The following PCLO variants were observed in gnomAD, a reference collection of about 807,000 sequenced individuals.
PCLO encodes protein piccolo.
A neutral mutation model predicts 427.5 loss-of-function variants in PCLO; 82 were observed. The observed-to-expected ratio is 0.19, with a 90% CI of 0.16 to 0.23. The LOEUF (loss-of-function observed/expected upper bound fraction) is 0.23, where lower values mean the gene tolerates loss of function less well. Ranked by LOEUF, PCLO falls within the 10% of genes least tolerant of loss-of-function variation. The pLI is 1.00. For missense variants in PCLO, 6,239 were observed against 6,115.9 expected (o/e 1.02, Z -0.67); for synonymous variants, 2,357 against 2,155.4 (o/e 1.09, Z -2.59).
chr7:83,078,447 T>C (rs952669505), intron 3 of PCLO, among the ~76,000 whole-genome samples: 2 of 152,090 alleles, frequency 1.3e-5, no homozygotes, highest in Non-Finnish European at 2.9e-5. Flanking sequence ...AGTATACTTT[T>C]CCACAGTTTG....
rs1271466556 is a variant in PCLO, at chr7:82,756,113, GAATGAAGA to G, written c.*2454_*2461del. The G allele has an allele frequency of 1.3e-5, 2 of 152,078 alleles. No homozygotes were observed. Among genetic ancestry groups the G allele is most frequent in the East Asian group, 3.9e-4 (2 of 5,190 alleles). 9.4% of individuals were successfully genotyped at this position (152,078 alleles called of 1,614,324 possible). The stretch of plus-strand genomic sequence containing the variant: ...ATTATTCTAAAAGAAATTGCAACTG[GAATGAAGA>G]AAGCTAACTGGTCATACAAACTCTC... On this transcript the variant is annotated 3_prime_UTR_variant, in exon 25 of 25. Coordinates refer to ENST00000333891, the MANE Select transcript of PCLO (RefSeq NM_033026.6).
chr7:82,812,784 T>C (rs902176115), intron 20 of PCLO, among the ~76,000 whole-genome samples: 1 of 151,586 alleles, frequency 6.6e-6, no homozygotes, highest in African/African-American at 2.4e-5. Flanking sequence ...CAAATTTTCA[T>C]GGGCGATTTT....
intron 9 of PCLO, among the ~76,000 whole-genome samples, chr7:82,890,465 C>G (rs1165594678): frequency 1.3e-5 from 2 of 151,726 alleles, no homozygotes; most frequent in Non-Finnish European, 2.9e-5. Context: ...TAGTATAAGG[C>G]TGATTCCATA....
chr7:82,863,946 C>T (rs559389599), intron 10 of PCLO, among the ~76,000 whole-genome samples: 2 of 151,886 alleles, frequency 1.3e-5, no homozygotes, highest in South Asian at 4.1e-4. Flanking sequence ...CATTTTTTTT[C>T]TCATTTTATC....
chr7:82,825,254 G>A (rs997144178), intron 18 of PCLO, among the ~76,000 whole-genome samples: 2 of 151,970 alleles, frequency 1.3e-5, no homozygotes, highest in African/African-American at 4.8e-5. Flanking sequence ...ATGAAAACCA[G>A]ACCAATGGAT....
intron 2 of PCLO, among the ~76,000 whole-genome samples, chr7:83,137,747 T>C (rs906478722): frequency 5.9e-5 from 9 of 152,208 alleles, no homozygotes; most frequent in Non-Finnish European, 1.5e-5. Flanking sequence ...ATATTCATTA[T>C]ATTTATTTGC....
intron 9 of PCLO, 30 bp from the exon 10 acceptor site, chr7:82,879,492 AC>A: frequency 6.6e-7 from 1 of 1,509,756 alleles, no homozygotes; most frequent in Non-Finnish European, 9.1e-7. Context: ...AATTATTAGT[AC>A]TAATTTAAGA....
chr7:82,985,638 TGCATGTG>T (rs966345801), intron 3 of PCLO, among the ~76,000 whole-genome samples: 1 of 151,928 alleles, frequency 6.6e-6, no homozygotes, highest in Non-Finnish European at 1.5e-5. Context: ...AAATTGGCAA[TGCATGTG>T]GCATTAAATT....
chr7:83,076,548 C>G (rs1015103152), intron 3 of PCLO, among the ~76,000 whole-genome samples: 15 of 152,190 alleles, frequency 9.9e-5, no homozygotes, highest in African/African-American at 3.4e-4. Flanking sequence ...CAGGCCTGAG[C>G]CACCGCACCT....
At chr7:82,853,803 T>C (rs1029564151) in intron 10 of PCLO, among the ~76,000 whole-genome samples, 2 of 152,126 alleles carry the variant, frequency 1.3e-5, no homozygotes, top group African/African-American at 4.8e-5. Flanking sequence ...AGTTGGTTAA[T>C]CCTCCTTCAT....
chr7:82,889,665 T>A (rs1419434076), intron 9 of PCLO, among the ~76,000 whole-genome samples: 1 of 152,118 alleles, frequency 6.6e-6, no homozygotes, highest in African/African-American at 2.4e-5. Context: ...AAGGCAGCAT[T>A]TTTTTCATTG....
At chr7:82,841,413 A>C in intron 14 of PCLO, 46 bp downstream of exon 14, 1 of 1,219,314 alleles carries the variant, frequency 8.2e-7, no homozygotes, top group African/African-American at 1.5e-5. Flanking sequence ...GTGGCAAAAC[A>C]ACCAAAAAAG....
intron 3 of PCLO, among the ~76,000 whole-genome samples, chr7:83,037,552 T>A (rs1365170231): frequency 6.6e-6 from 1 of 151,810 alleles, no homozygotes; most frequent in Non-Finnish European, 1.5e-5. Flanking sequence ...TGAGCTTTGG[T>A]CAGGAATAGA....
At chr7:82,841,172 G>A (rs1251814519) in intron 14 of PCLO, among the ~76,000 whole-genome samples, 1 of 151,926 alleles carries the variant, frequency 6.6e-6, no homozygotes, top group Non-Finnish European at 1.5e-5. Context: ...AATCTGTCAT[G>A]TTTAAAATAC....
chr7:82,808,146 A>G (rs1791494212), intron 20 of PCLO, among the ~76,000 whole-genome samples: 1 of 152,006 alleles, frequency 6.6e-6, no homozygotes, highest in South Asian at 2.1e-4. Context: ...AATCCAATTC[A>G]TAATTTTTAG....
chr7:82,764,933 A>T (rs192914029), intron 22 of PCLO, among the ~76,000 whole-genome samples: 2 of 152,080 alleles, frequency 1.3e-5, no homozygotes, highest in Non-Finnish European at 2.9e-5. Context: ...GATCTCACGG[A>T]TATGTATCAA....
In PCLO at chr7:82,951,299, T is replaced by C. The variant is rs1388831003; in HGVS notation, c.9289A>G (p.Thr3097Ala). Residue 3097 changes from threonine (T) to alanine (A), a missense_variant, in exon 6 of 25, where the codon ACA becomes GCA. Thr to Ala is a moderately conservative substitution (Grantham distance 58, BLOSUM62 0). Transcript: ENST00000333891. ...GVVYSSVATP[T>A]PSTFAITTQP... ...GTGGTGATAGCAAATGTAGAGGGTG[T>C]TGGAGTTGCTACTGAAGAATAGACA... 6.8e-6 allele frequency: 11 copies of C among 1,613,096 alleles called. No individual in the cohort carries two copies. Among genetic ancestry groups the C allele is most frequent in the Non-Finnish European group, 9.3e-6 (11 of 1,179,520 alleles).
chr7:82,843,286 T>C (rs1379114377), intron 13 of PCLO, among the ~76,000 whole-genome samples: 2 of 152,114 alleles, frequency 1.3e-5, no homozygotes, highest in African/African-American at 4.8e-5. Flanking sequence ...TTATGTTAAG[T>C]GGAATAATTC....
At chr7:82,943,361 G>A (rs1186377165) in intron 6 of PCLO, among the ~76,000 whole-genome samples, 1 of 152,078 alleles carries the variant, frequency 6.6e-6, no homozygotes, top group Non-Finnish European at 1.5e-5. Context: ...GCCACAGAGA[G>A]GTGATAACAT....
Sources: gnomAD v4.1 joint callset for allele counts (sites outside exome capture counted in the v4.1 genomes callset) on GRCh38, gnomAD v4.1.1 for gene constraint, MANE v1.5 for transcripts, NCBI Gene and HGNC (gene_info 2026-07-23, HGNC 2026-07-21) for gene names.